CACNB2: variants seen among roughly 807,000 people sequenced by gnomAD.
CACNB2 encodes the protein voltage-dependent L-type calcium channel subunit beta-2.
Under a neutral mutation model 73.3 loss-of-function variants are expected in CACNB2, and 42 were observed. That is an observed-to-expected ratio of 0.57 (90% CI 0.45 to 0.74). CACNB2 has a LOEUF of 0.74. Ranked by LOEUF, CACNB2 falls within the 30% of genes least tolerant of loss-of-function variation. CACNB2 has a pLI of 0.00. For synonymous variants in CACNB2, 348 were observed against 310.3 expected (o/e 1.12, Z -1.28); for missense variants, 940 against 853.0 (o/e 1.10, Z -1.27).
intron 2 of CACNB2, among the ~76,000 whole-genome samples, chr10:18,152,709 C>CAAAAAAAAAAAAAAAA (rs772732675): frequency 2.6e-4 from 13 of 49,350 alleles, no homozygotes; most frequent in Non-Finnish European, 3.0e-4. Context: ...TGAAACAGAC[C>CAAAAAAAAAAAAAAAA]AAAAAAAAAA....
At chr10:18,472,240 TTTTTTTTTTTTTTTG>T (rs1564588363) in intron 3 of CACNB2, among the ~76,000 whole-genome samples, 6 of 136,672 alleles carry the variant, frequency 4.4e-5, no homozygotes, top group Non-Finnish European at 1.6e-5. Context: ...TTTTTTTTTT[TTTTTTTTTTTTTTTG>T]ACATGGAGTC....
chr10:18,289,292 G>T (rs28666750), intron 2 of CACNB2, among the ~76,000 whole-genome samples: 17,084 of 54,816 alleles, frequency 0.31, 2,454 homozygotes, highest in African/African-American at 0.48. Context: ...TTGTTTTTTT[G>T]TTTTGTTTTT....
chr10:18,498,159 G>T (rs531671735), intron 3 of CACNB2, among the ~76,000 whole-genome samples, 196 bp from the exon 4 acceptor site: 1 of 152,264 alleles, frequency 6.6e-6, no homozygotes, highest in South Asian at 2.1e-4. Context: ...TTCAGAAATG[G>T]GTGTTATGTA....
At chr10:18,370,810 G>T (rs961149444) in intron 2 of CACNB2, among the ~76,000 whole-genome samples, 1 of 152,078 alleles carries the variant, frequency 6.6e-6, no homozygotes, top group African/African-American at 2.4e-5. Context: ...TGGGCATTTA[G>T]GTTGTTTTAC....
intron 2 of CACNB2, among the ~76,000 whole-genome samples, chr10:18,328,701 T>G (rs1280785758): frequency 6.6e-6 from 1 of 152,142 alleles, no homozygotes; most frequent in African/African-American, 2.4e-5. Context: ...ACTTGTACAT[T>G]GAAGTCGATG....
chr10:18,374,616 A>C (rs1305633630), intron 2 of CACNB2, among the ~76,000 whole-genome samples: 1 of 152,174 alleles, frequency 6.6e-6, no homozygotes, highest in African/African-American at 2.4e-5. Flanking sequence ...AAGGTGGTGT[A>C]ATCTGAATAA....
intron 2 of CACNB2, among the ~76,000 whole-genome samples, chr10:18,365,426 T>A (rs1322245836): frequency 1.3e-5 from 2 of 152,226 alleles, no homozygotes; most frequent in Non-Finnish European, 2.9e-5. Flanking sequence ...TAAAAGCGAT[T>A]TGGACTCTTA....
At chr10:18,182,864 G>A (rs2033960315) in intron 2 of CACNB2, among the ~76,000 whole-genome samples, 1 of 151,378 alleles carries the variant, frequency 6.6e-6, no homozygotes, top group Admixed American at 6.6e-5. Flanking sequence ...TTCACCTGAA[G>A]CGTTAACATT....
chr10:18,343,720 G>C (rs762366669), intron 2 of CACNB2, among the ~76,000 whole-genome samples: 54 of 152,164 alleles, frequency 3.5e-4, no homozygotes, highest in Admixed American at 1.4e-3. Context: ...GTTTTTATTT[G>C]CATATTGGAG....
chr10:18,203,978 T>G (rs1428606564), intron 2 of CACNB2, among the ~76,000 whole-genome samples: 1 of 151,972 alleles, frequency 6.6e-6, no homozygotes, highest in Non-Finnish European at 1.5e-5. Flanking sequence ...ATTTATAAGC[T>G]TCAATAAAAA....
chr10:18,299,217 C>G (rs557922797), intron 2 of CACNB2, among the ~76,000 whole-genome samples: 39 of 152,164 alleles, frequency 2.6e-4, no homozygotes, highest in African/African-American at 9.1e-4. Context: ...GCCTCTTGCC[C>G]ACAATTCTTA....
intron 9 of CACNB2, 23 bp downstream of exon 9, chr10:18,518,991 T>C (rs1475340720): frequency 6.2e-7 from 1 of 1,608,710 alleles, no homozygotes; most frequent in Admixed American, 1.7e-5. Context: ...GCATACTGGG[T>C]TTTGTGGATT....
At chr10:18,491,856 G>A (rs940453657) in intron 3 of CACNB2, among the ~76,000 whole-genome samples, 5 of 126,446 alleles carry the variant, frequency 4.0e-5, no homozygotes, top group South Asian at 2.7e-4. Flanking sequence ...AAGCCTGAGC[G>A]TTTGAGGACT....
chr10:18,488,406 C>T (rs1045236846), intron 3 of CACNB2, among the ~76,000 whole-genome samples: 3 of 128,508 alleles, frequency 2.3e-5, no homozygotes, highest in Admixed American at 9.9e-5. Flanking sequence ...ACCTGGAAGG[C>T]GGAGCTTGCA....
intron 6 of CACNB2, among the ~76,000 whole-genome samples, chr10:18,507,238 G>A (rs1006296019): frequency 9.9e-5 from 15 of 152,270 alleles, no homozygotes; most frequent in African/African-American, 3.6e-4. Flanking sequence ...GAAAGGTAAG[G>A]AACAGAGGGT....
In CACNB2 at chr10:18,167,022, T is replaced by C. The variant is rs955347671; in HGVS notation, c.213+16047T>C. Among the ~76,000 whole-genome samples, 6 of 152,212 alleles carry C rather than the reference T, an allele frequency of 3.9e-5. No individual in the cohort carries two copies. The East Asian group carries it at 1.2e-3, about 29-fold the overall frequency. ...TCATTGAGAATAAGACTGGAAATCC[T>C]GGAAAGCCCTGGGCTGGCCCTCCAG... On this transcript the variant is annotated intron_variant, in intron 2 of 13. Coordinates refer to ENST00000324631, the MANE Select transcript of CACNB2 (RefSeq NM_201596.3).
chr10:18,514,685 G>T (rs1477615273), intron 7 of CACNB2, among the ~76,000 whole-genome samples: 1 of 152,164 alleles, frequency 6.6e-6, no homozygotes, highest in African/African-American at 2.4e-5. Context: ...TAAATTCAGG[G>T]AGTGACCTGT....
At chr10:18,211,668 G>T (rs1385112616) in intron 2 of CACNB2, among the ~76,000 whole-genome samples, 1 of 152,162 alleles carries the variant, frequency 6.6e-6, no homozygotes, top group Non-Finnish European at 1.5e-5. Flanking sequence ...ACAGGGTTCA[G>T]ATTTATATAA....
chr10:18,272,130 T>A (rs1422455390), intron 2 of CACNB2, among the ~76,000 whole-genome samples: 4 of 152,006 alleles, frequency 2.6e-5, no homozygotes, highest in Non-Finnish European at 5.9e-5. Context: ...CATTATTGGG[T>A]GAATCAGTTT....
Sources: gnomAD v4.1 joint callset for allele counts (sites outside exome capture counted in the v4.1 genomes callset) on GRCh38, gnomAD v4.1.1 for gene constraint, MANE v1.5 for transcripts, NCBI Gene and HGNC (gene_info 2026-07-23, HGNC 2026-07-21) for gene names.